The following BBOX1 variants were observed in gnomAD, a reference collection of about 807,000 sequenced individuals.
BBOX1 encodes the protein gamma-butyrobetaine hydroxylase 1.
Under a neutral mutation model 41.6 loss-of-function variants are expected in BBOX1, and 35 were observed. That is an observed-to-expected ratio of 0.84 (90% CI 0.64 to 1.11). The LOEUF (loss-of-function observed/expected upper bound fraction) is 1.11. BBOX1 is among the 50% of genes most tolerant of loss of function. BBOX1 has a pLI of 0.00. For missense variants in BBOX1, 458 were observed against 460.6 expected, an observed-to-expected ratio of 0.99 and a Z score of 0.05; for synonymous variants, 163 against 154.7, an observed-to-expected ratio of 1.05 and a Z score of -0.40.
rs1188400850 is a variant in BBOX1 at position 27,041,477 on chromosome 11, T to C, written c.-40T>C. 6.6e-6 allele frequency: 1 copy of C among 152,120 alleles called. No individual in the cohort carries two copies. The highest frequency in any genetic ancestry group is 1.9e-4 in the East Asian group (1 of 5,188). The allele number at this position is 152,120 out of a possible 1,614,324, so 9.4% of individuals were successfully genotyped here. On this transcript the variant is annotated splice_region_variant and 5_prime_UTR_variant, in exon 2 of 9. Coordinates refer to ENST00000263182, the MANE Select transcript of BBOX1 (RefSeq NM_003986.3). ...GACCAAAGCTGACAGTTTCTTTACTTGGTAAGTTTTGGGTGGTTTGCTGTG... is the reference window on the plus strand; with the variant it reads ...GACCAAAGCTGACAGTTTCTTTACTCGGTAAGTTTTGGGTGGTTTGCTGTG...
intron 4 of BBOX1, among the ~76,000 whole-genome samples, chr11:27,068,476 G>T (rs1273963884): frequency 6.6e-6 from 1 of 151,892 alleles, no homozygotes; most frequent in South Asian, 2.1e-4. Flanking sequence ...TTAGTCCTTT[G>T]TTGGGATGGA....
intron 2 of BBOX1, among the ~76,000 whole-genome samples, chr11:27,055,050 C>T (rs1324634040): frequency 2.6e-5 from 4 of 152,110 alleles, no homozygotes; most frequent in African/African-American, 9.7e-5. Flanking sequence ...ATTTTTCTTC[C>T]TTAAACATTC....
chr11:27,095,378 G>T (rs201195922), intron 5 of BBOX1, among the ~76,000 whole-genome samples: 2 of 151,690 alleles, frequency 1.3e-5, no homozygotes, highest in African/African-American at 4.8e-5. Flanking sequence ...TATTACGTGT[G>T]TTGTTTTGTT....
chr11:27,055,555 A>C lies in BBOX1; in HGVS notation c.125A>C (p.Asp42Ala). Residue 42 changes from aspartate to alanine, a missense_variant, in exon 3 of 9, where the codon GAT (aspartate) becomes GCT (alanine). Asp to Ala is a moderately radical substitution (Grantham distance 126). Transcript: ENST00000263182. ...VWLRDNCPCS[D>A]CYLDSAKARK... ...TTGAGAGACAACTGTCCGTGCTCTG[A>C]TTGCTACCTGGATTCTGCAAAAGCA... The C allele has an allele frequency of 6.2e-7, 1 of 1,614,142 alleles. No individual in the cohort carries two copies. The highest frequency in any genetic ancestry group is 8.5e-7 in the Non-Finnish European group (1 of 1,180,016).
chr11:27,091,715 G>A (rs1858252825), intron 4 of BBOX1, among the ~76,000 whole-genome samples: 1 of 151,896 alleles, frequency 6.6e-6, no homozygotes, highest in Admixed American at 6.6e-5. Flanking sequence ...TTAAAATTAG[G>A]GATTCAGAAC....
At chr11:27,103,717 G>GA in intron 5 of BBOX1, among the ~76,000 whole-genome samples, 1 of 152,028 alleles carries the variant, frequency 6.6e-6, no homozygotes, top group South Asian at 2.1e-4. Flanking sequence ...ACAGAAGGTA[G>GA]AAAAAATAAT....
At chr11:27,115,969 C>T (rs1042147360) in intron 6 of BBOX1, among the ~76,000 whole-genome samples, 1 of 151,880 alleles carries the variant, frequency 6.6e-6, no homozygotes, top group African/African-American at 2.4e-5. Context: ...TCATTCATAT[C>T]CATTAACTAC....
intron 5 of BBOX1, among the ~76,000 whole-genome samples, chr11:27,105,525 A>T (rs947691151): frequency 2.6e-5 from 4 of 152,180 alleles, no homozygotes; most frequent in African/African-American, 7.2e-5. Flanking sequence ...AAATGAAGTG[A>T]GAAGAGAAGT....
In BBOX1 at chr11:27,091,275, C is replaced by A. The variant is rs186161354; in HGVS notation, c.335-1893C>A. On this transcript the variant is annotated intron_variant, in intron 4 of 8. Transcript: ENST00000263182. Reference sequence around the variant, plus strand: ...CAGTGATTATATTTTGTTTTAATTGCCACCTTCCATGTCAAATTCTCCTAT... The same window carrying A: ...CAGTGATTATATTTTGTTTTAATTGACACCTTCCATGTCAAATTCTCCTAT... Among the ~76,000 whole-genome samples the A allele has an allele frequency of 3.9e-3, 596 of 151,956 alleles. 4 individuals are homozygous for A. Among genetic ancestry groups the A allele is most frequent in the African/African-American group, 0.014 (565 of 41,494 alleles).
Position 27,127,692 on chromosome 11 carries a change from T to C in BBOX1, c.*239T>C. The C allele has an allele frequency of 2.3e-6, 1 of 437,728 alleles. No individual in the cohort carries two copies. The highest frequency in any genetic ancestry group is 4.4e-5 in the East Asian group (1 of 22,944). The allele number at this position is 437,728 out of a possible 1,614,324, so 27.1% of individuals were successfully genotyped here. ...TGCTCTGTTGCATGCCTGCTCTAATTTCTTTTGCCCATATATGAGTATCTC... is the reference window on the plus strand; with the variant it reads ...TGCTCTGTTGCATGCCTGCTCTAATCTCTTTTGCCCATATATGAGTATCTC... On this transcript the variant is annotated 3_prime_UTR_variant, in exon 9 of 9. Transcript: ENST00000263182.
In BBOX1 at chr11:27,057,196, A is replaced by ATAAGGTG; in HGVS notation, c.220-2_224dup. The ATAAGGTG allele has an allele frequency of 6.4e-7, 1 of 1,570,482 alleles. No individual in the cohort carries two copies. Among genetic ancestry groups the ATAAGGTG allele is most frequent in the Non-Finnish European group, 8.6e-7 (1 of 1,163,588 alleles). ...ATAGGTGAAATTTGCTTTTTGTGTT[A>ATAAGGTG]TAAGGTGTACATCACATGGCCCGAT... On this transcript the variant is annotated splice_polypyrimidine_tract_variant and splice_region_variant and intron_variant, in intron 3 of 8. Transcript: ENST00000263182.
intron 5 of BBOX1, among the ~76,000 whole-genome samples, chr11:27,113,173 G>A (rs896989233): frequency 6.6e-6 from 1 of 151,940 alleles, no homozygotes; most frequent in African/African-American, 2.4e-5. Context: ...TGAGGTTGTG[G>A]AGACAAGGGA....
At chr11:27,061,783 A>G (rs983334035) in intron 4 of BBOX1, among the ~76,000 whole-genome samples, 6 of 152,200 alleles carry the variant, frequency 3.9e-5, no homozygotes, top group African/African-American at 7.2e-5. Flanking sequence ...TTATCATGGG[A>G]CACAGTCATA....
chr11:27,044,699 C>G (rs1168271040), intron 2 of BBOX1, among the ~76,000 whole-genome samples: 1 of 152,128 alleles, frequency 6.6e-6, no homozygotes, highest in Non-Finnish European at 1.5e-5. Context: ...AAATCCTTTC[C>G]CCATTGCTTG....
chr11:27,075,344 G>C (rs1857597926), intron 4 of BBOX1, among the ~76,000 whole-genome samples: 1 of 152,114 alleles, frequency 6.6e-6, no homozygotes, highest in African/African-American at 2.4e-5. Context: ...TGGAATAGCA[G>C]AGGTCTCTTT....
intron 5 of BBOX1, among the ~76,000 whole-genome samples, chr11:27,097,225 C>CA (rs1034531194): frequency 1.1e-4 from 16 of 151,262 alleles, no homozygotes; most frequent in Middle Eastern, 3.2e-3. Flanking sequence ...TCTCCCCCAC[C>CA]AAAAAAAAGA....
chr11:27,081,661 C>T (rs572563515), intron 4 of BBOX1, among the ~76,000 whole-genome samples: 9 of 152,288 alleles, frequency 5.9e-5, no homozygotes, highest in Non-Finnish European at 1.2e-4. Flanking sequence ...AACTAATTTA[C>T]ACTCCCACCA....
chr11:27,103,444 C>A (rs548841743), intron 5 of BBOX1, among the ~76,000 whole-genome samples: 80 of 152,164 alleles, frequency 5.3e-4, no homozygotes, highest in African/African-American at 1.9e-3. Flanking sequence ...CTTAAGTCTT[C>A]TTTGCCGGTC....
chr11:27,050,973 G>T (rs1050452448), intron 2 of BBOX1, among the ~76,000 whole-genome samples: 2 of 151,976 alleles, frequency 1.3e-5, no homozygotes, highest in African/African-American at 4.8e-5. Flanking sequence ...CTGTGGGCTT[G>T]GCACAGATGG....
Sources: allele counts gnomAD v4.1 joint callset (sites outside exome capture counted in the v4.1 genomes callset), GRCh38; gene constraint gnomAD v4.1.1; transcripts MANE v1.5; gene names NCBI Gene and HGNC (gene_info 2026-07-23, HGNC 2026-07-21).